CLASP2: variants seen among roughly 807,000 people sequenced by gnomAD.
The protein encoded by CLASP2 is cytoplasmic linker associated protein 2.
A neutral mutation model predicts 194.4 loss-of-function variants in CLASP2; 47 were observed. That is an observed-to-expected ratio of 0.24 (90% CI 0.19 to 0.31). The LOEUF (loss-of-function observed/expected upper bound fraction) is 0.31. CLASP2 is among the 10% of genes least tolerant of loss of function. The pLI is 1.00. For synonymous variants in CLASP2, 619 were observed against 633.5 expected, an observed-to-expected ratio of 0.98 and a Z score of 0.34; for missense variants, 1,445 against 1,823.6, an observed-to-expected ratio of 0.79 and a Z score of 3.78.
chr3:33,673,301 G>T (rs1177424477), intron 6 of CLASP2, among the ~76,000 whole-genome samples: 3 of 152,156 alleles, frequency 2.0e-5, no homozygotes, highest in Non-Finnish European at 4.4e-5. Context: ...CATTCTTAAA[G>T]AAAAGAATTT....
In CLASP2 at chr3:33,602,941, A is replaced by G; in HGVS notation, c.1924+11T>C. ...GAACATGGTACAATTTTCCATAATC[A>G]GTTCTCTTACCTAGTGACGCATAGG... On this transcript the variant is annotated intron_variant, in intron 18 of 38. Transcript: ENST00000682230. 1 of 1,605,004 alleles carries G rather than the reference A, an allele frequency of 6.2e-7. No homozygotes were observed. Among genetic ancestry groups the G allele is most frequent in the Non-Finnish European group, 8.5e-7 (1 of 1,175,260 alleles).
intron 26 of CLASP2, among the ~76,000 whole-genome samples, chr3:33,568,553 C>CAAAAAA (rs568821764): frequency 0.018 from 1,017 of 56,762 alleles, 54 homozygotes; most frequent in African/African-American, 0.073. Flanking sequence ...GATCTTGTCT[C>CAAAAAA]AAAAAAAAAA....
chr3:33,617,467 G>GA (rs2076384704), intron 12 of CLASP2, among the ~76,000 whole-genome samples: 1 of 151,818 alleles, frequency 6.6e-6, no homozygotes, highest in Admixed American at 6.6e-5. Context: ...CTAAACCTAA[G>GA]AAAAAAATGA....
intron 26 of CLASP2, among the ~76,000 whole-genome samples, chr3:33,567,014 T>C (rs2062859135): frequency 6.6e-6 from 1 of 152,180 alleles, no homozygotes; most frequent in African/African-American, 2.4e-5. Context: ...CTCTTTTTTT[T>C]CCAGACCCTA....
chr3:33,637,052 AC>A (rs1294516335), intron 8 of CLASP2, among the ~76,000 whole-genome samples: 1 of 152,238 alleles, frequency 6.6e-6, no homozygotes, highest in Non-Finnish European at 1.5e-5. Context: ...AGGTAAGCTG[AC>A]TAAAAGGAAG....
chr3:33,583,797 A>C (rs2066697982), intron 22 of CLASP2, among the ~76,000 whole-genome samples: 1 of 152,232 alleles, frequency 6.6e-6, no homozygotes, highest in African/African-American at 2.4e-5. Flanking sequence ...AAAAATTATT[A>C]AAAATAAACT....
chr3:33,625,502 A>T (rs1004305080), intron 10 of CLASP2, among the ~76,000 whole-genome samples: 1 of 150,836 alleles, frequency 6.6e-6, no homozygotes, highest in Non-Finnish European at 1.5e-5. Context: ...AATGAGCACC[A>T]TTTGTTAAGC....
At chr3:33,574,410 A>T in intron 24 of CLASP2, 1 of 969,188 alleles carries the variant, frequency 1.0e-6, no homozygotes, top group Non-Finnish European at 1.5e-6. Flanking sequence ...ATCATTTGTT[A>T]AATTGATGAA....
intron 22 of CLASP2, 149 bp downstream of exon 22, chr3:33,584,601 T>C: frequency 1.3e-6 from 1 of 748,256 alleles, no homozygotes; most frequent in Non-Finnish European, 2.0e-6. Flanking sequence ...ATTCAACTCA[T>C]AAACTATTCT....
intron 34 of CLASP2, among the ~76,000 whole-genome samples, chr3:33,519,707 TTTC>T (rs1337290266): frequency 6.6e-6 from 1 of 152,172 alleles, no homozygotes; most frequent in Non-Finnish European, 1.5e-5. Context: ...TTTTTTCTTT[TTTC>T]TTTTCTTTGT....
At position 33,511,481 on chromosome 3, in the gene CLASP2, G is replaced by A. The variant is rs118103970; in HGVS notation, c.4111-717C>T. On this transcript the variant is annotated intron_variant, in intron 36 of 38. Coordinates refer to ENST00000682230, the MANE Select transcript of CLASP2 (RefSeq NM_001365631.1). ...ATTATTAGTACTCTCATCTCTAGGAGTCCTTGAGCCCTCTGTATCACATTA... is the reference window on the plus strand; with the variant it reads ...ATTATTAGTACTCTCATCTCTAGGAATCCTTGAGCCCTCTGTATCACATTA... Among the ~76,000 whole-genome samples the A allele has an allele frequency of 1.5e-3, 234 of 152,158 alleles. 7 individuals carry two copies. The East Asian group carries it at 0.044, about 29-fold the overall frequency.
chr3:33,499,172 G>C (rs2046251567), intron 38 of CLASP2, among the ~76,000 whole-genome samples: 1 of 152,076 alleles, frequency 6.6e-6, no homozygotes, highest in African/African-American at 2.4e-5. Context: ...ATGGTTTTGT[G>C]AGGGGTTTTT....
At chr3:33,620,167 G>A (rs2076877924) in intron 11 of CLASP2, among the ~76,000 whole-genome samples, 2 of 152,116 alleles carry the variant, frequency 1.3e-5, no homozygotes, top group Non-Finnish European at 2.9e-5. Context: ...TCAAATCAAT[G>A]CTCCTCAAGA....
chr3:33,692,218 G>A (rs2091432072), intron 2 of CLASP2, among the ~76,000 whole-genome samples: 1 of 152,046 alleles, frequency 6.6e-6, no homozygotes, highest in Admixed American at 6.6e-5. Flanking sequence ...TGTGATCAAA[G>A]TCATAACCAT....
At chr3:33,577,217 C>T (rs769725395) in intron 23 of CLASP2, 2 of 1,597,712 alleles carry the variant, frequency 1.3e-6, no homozygotes, top group South Asian at 1.1e-5. Context: ...GCCCCATACA[C>T]TTCGGGGGCG....
chr3:33,648,384 T>A (rs993156889), intron 7 of CLASP2, among the ~76,000 whole-genome samples: 2 of 151,832 alleles, frequency 1.3e-5, no homozygotes, highest in Non-Finnish European at 1.5e-5. Context: ...AAAGCATTAC[T>A]GGAGATAAAG....
At chr3:33,707,587 A>G (rs1256493987) in intron 1 of CLASP2, among the ~76,000 whole-genome samples, 3 of 152,204 alleles carry the variant, frequency 2.0e-5, no homozygotes, top group Non-Finnish European at 4.4e-5. Flanking sequence ...CACACAAAAA[A>G]GAGACCTAGA....
At chr3:33,534,746 T>C (rs1253579636) in intron 34 of CLASP2, among the ~76,000 whole-genome samples, 1 of 152,172 alleles carries the variant, frequency 6.6e-6, no homozygotes, top group African/African-American at 2.4e-5. Context: ...GCTTAGTAAG[T>C]GTTAGAGCTT....
At chr3:33,649,014 A>C (rs1209025234) in intron 7 of CLASP2, among the ~76,000 whole-genome samples, 1 of 152,224 alleles carries the variant, frequency 6.6e-6, no homozygotes, top group African/African-American at 2.4e-5. Context: ...CAGAACTCTA[A>C]GATCTTAACG....
Sources: gnomAD v4.1 joint callset for allele counts (sites outside exome capture counted in the v4.1 genomes callset) on GRCh38, gnomAD v4.1.1 for gene constraint, MANE v1.5 for transcripts, NCBI Gene and HGNC (gene_info 2026-07-23, HGNC 2026-07-21) for gene names.